Variants in ZNF469 observed in about 807,000 individuals in gnomAD.
ZNF469 encodes the protein zinc finger protein 469.
In ZNF469, 1 loss-of-function variant was observed where a neutral mutation model predicts 1.0. That is an observed-to-expected ratio of 1.00 (90% CI 0.35 to 4.73). The LOEUF is 4.73. Among genes scored for constraint, ZNF469 ranks in the 30% most tolerant of loss-of-function variants. The probability of loss-of-function intolerance (pLI) is 0.16; values close to 1 mark genes in which losing one functional copy is unlikely to be tolerated. For missense variants in ZNF469, 6,100 were observed against 5,356.3 expected, an observed-to-expected ratio of 1.14 and a Z score of -4.33; for synonymous variants, 2,703 against 2,363.4, an observed-to-expected ratio of 1.14 and a Z score of -4.17.
At chr16:88,406,535 C>G (rs1905034140) in intron 1 of ZNF469, among the ~76,000 whole-genome samples, 1 of 152,212 alleles carries the variant, frequency 6.6e-6, no homozygotes, top group South Asian at 2.1e-4. Flanking sequence ...TCGGAAGGAC[C>G]CGTGCTTTGG....
the ZNF469 span, among the ~76,000 whole-genome samples, chr16:88,272,887 C>T: frequency 1.7e-4 from 24 of 142,730 alleles, no homozygotes; most frequent in South Asian, 4.5e-4. Context: ...TGTGGATAGA[C>T]GAGTGGACGG....
rs1261334857 is a variant in ZNF469 at position 88,437,144 on chromosome 16, CCCA to C, written c.9677_9679del (p.His3226del). ...GGCCTGGAGGGCAGCAGCGCTGTCG[CCCA>C]CCTTCTGAACAGCATCACGGAACCC... On this transcript the variant is annotated inframe_deletion, in exon 3 of 3. Transcript: ENST00000565624. 9 of 1,548,938 alleles carry C rather than the reference CCCA, an allele frequency of 5.8e-6. No individual in the cohort carries two copies. In the African/African-American group the frequency reaches 1.2e-4, roughly 21 times the overall value.
At position 88,429,028 on chromosome 16, in the gene ZNF469, G is replaced by T. The variant is rs1167159460; in HGVS notation, c.1558G>T (p.Ala520Ser). Residue 520 changes from alanine (A) to serine (S), a missense_variant, in exon 3 of 3, where the codon GCC becomes TCC. Ala to Ser is a moderately conservative substitution (Grantham distance 99). Transcript: ENST00000565624. ...GPEWQGGSQG[A>S]LGTAGKTPGP... ...CGAGTGGCAGGGGGGCAGCCAAGGA[G>T]CCCTGGGCACTGCTGGCAAGACACC... 2.6e-6 allele frequency: 4 copies of T among 1,549,360 alleles called. No homozygotes were observed. Among genetic ancestry groups the T allele is most frequent in the Admixed American group, 2.0e-5 (1 of 50,980 alleles).
chr16:88,374,183 C>T, the ZNF469 span, among the ~76,000 whole-genome samples: 226 of 152,282 alleles, frequency 1.5e-3, 1 homozygote, highest in Non-Finnish European at 1.3e-3. Flanking sequence ...AGGCCTGGCA[C>T]TCTGTGGCCC....
At chr16:88,224,230 C>T in the ZNF469 span, among the ~76,000 whole-genome samples, 3 of 152,330 alleles carry the variant, frequency 2.0e-5, no homozygotes, top group East Asian at 3.9e-4. Flanking sequence ...ACAGAACCAG[C>T]GGCCCCAGGA....
chr16:88,185,668 CAT>C, the ZNF469 span, among the ~76,000 whole-genome samples: 2 of 151,304 alleles, frequency 1.3e-5, no homozygotes, highest in East Asian at 2.0e-4. Flanking sequence ...TGCACACACT[CAT>C]GTGCCCAGAC....
chr16:88,329,243 A>T, the ZNF469 span, among the ~76,000 whole-genome samples: 4 of 152,042 alleles, frequency 2.6e-5, no homozygotes, highest in Admixed American at 2.6e-4. Context: ...CCAGGGAGGG[A>T]GCCCAGCCAG....
At chr16:88,226,032 C>T in the ZNF469 span, among the ~76,000 whole-genome samples, 1 of 152,108 alleles carries the variant, frequency 6.6e-6, no homozygotes, top group Non-Finnish European at 1.5e-5. Context: ...CCCCACCTCC[C>T]CAGGCTGCAG....
At chr16:88,317,282 C>T in the ZNF469 span, among the ~76,000 whole-genome samples, 3 of 152,248 alleles carry the variant, frequency 2.0e-5, no homozygotes, top group Non-Finnish European at 4.4e-5. Context: ...TTCAGACACC[C>T]TCTTCTCCGT....
At chr16:88,376,420 G>A in the ZNF469 span, among the ~76,000 whole-genome samples, 2 of 152,350 alleles carry the variant, frequency 1.3e-5, no homozygotes, top group East Asian at 3.9e-4. Context: ...GGCACTGAAG[G>A]CCGCTGTCCC....
At chr16:88,359,040 C>T in the ZNF469 span, among the ~76,000 whole-genome samples, 2 of 152,352 alleles carry the variant, frequency 1.3e-5, no homozygotes, top group East Asian at 3.9e-4. Flanking sequence ...GAAGTAGAAT[C>T]ACCGAGTCGT....
chr16:88,305,266 T>TCGCATA, the ZNF469 span, among the ~76,000 whole-genome samples: 1 of 128,804 alleles, frequency 7.8e-6, no homozygotes. Context: ...ATGCACACCC[T>TCGCATA]CACACACATG....
the ZNF469 span, among the ~76,000 whole-genome samples, chr16:88,174,184 A>G: frequency 9.2e-5 from 14 of 152,204 alleles, no homozygotes; most frequent in East Asian, 2.7e-3. Flanking sequence ...AATCAATAGA[A>G]AGATAGAGTG....
the ZNF469 span, among the ~76,000 whole-genome samples, chr16:88,184,602 A>AC: frequency 1.3e-5 from 2 of 151,514 alleles, no homozygotes; most frequent in African/African-American, 4.9e-5. Flanking sequence ...TTCCCGTTTC[A>AC]GGGGGGAAGC....
At chr16:88,255,668 G>C in the ZNF469 span, among the ~76,000 whole-genome samples, 5 of 152,220 alleles carry the variant, frequency 3.3e-5, no homozygotes, top group African/African-American at 1.2e-4. Flanking sequence ...ATCCTGAAAA[G>C]TGCCTCAACA....
the ZNF469 span, among the ~76,000 whole-genome samples, chr16:88,315,917 C>T: frequency 0.63 from 95,303 of 152,072 alleles, 30,110 homozygotes; most frequent in East Asian, 0.8. Flanking sequence ...AGGCTGCCTG[C>T]TCCGGACGTT....
the ZNF469 span, among the ~76,000 whole-genome samples, chr16:88,104,510 C>T: frequency 1.3e-5 from 2 of 152,244 alleles, no homozygotes; most frequent in East Asian, 1.9e-4. Context: ...CTCGCTGACC[C>T]CGCCAGCCAC....
chr16:88,199,886 C>G, the ZNF469 span, among the ~76,000 whole-genome samples: 30,946 of 152,182 alleles, frequency 0.2, 3,881 homozygotes, highest in Non-Finnish European at 0.29. Flanking sequence ...CCTCGGCTGT[C>G]TTGGTGGAGA....
the ZNF469 span, among the ~76,000 whole-genome samples, chr16:88,172,921 A>G: frequency 6.6e-6 from 1 of 152,230 alleles, no homozygotes; most frequent in East Asian, 1.9e-4. Flanking sequence ...GAATCAAAGC[A>G]GAGAAAAAAG....
Sources: gnomAD v4.1 joint callset for allele counts (sites outside exome capture counted in the v4.1 genomes callset) on GRCh38, gnomAD v4.1.1 for gene constraint, MANE v1.5 for transcripts, NCBI Gene and HGNC (gene_info 2026-07-23, HGNC 2026-07-21) for gene names.